FAM135B: variants seen among roughly 807,000 people sequenced by gnomAD.
FAM135B encodes the protein family with sequence similarity 135 member B.
Under a neutral mutation model 127.7 loss-of-function variants are expected in FAM135B, and 43 were observed. The observed-to-expected ratio is 0.34, with a 90% confidence interval of 0.26 to 0.43. The LOEUF is 0.43. Ranked by LOEUF, FAM135B falls within the 20% of genes least tolerant of loss-of-function variation. The probability of loss-of-function intolerance (pLI) is 1.00; values close to 1 mark genes in which losing one functional copy is unlikely to be tolerated. For missense variants in FAM135B, 1,558 were observed against 1,725.6 expected, an observed-to-expected ratio of 0.90 and a Z score of 1.72; for synonymous variants, 670 against 665.1, an observed-to-expected ratio of 1.01 and a Z score of -0.11.
intron 1 of FAM135B, among the ~76,000 whole-genome samples, chr8:138,490,482 C>T (rs924100253): frequency 5.3e-5 from 8 of 152,256 alleles, no homozygotes; most frequent in Middle Eastern, 3.4e-3. Flanking sequence ...ACAGAGTGAG[C>T]CATGCTCAGA....
intron 14 of FAM135B, among the ~76,000 whole-genome samples, chr8:138,146,434 C>T (rs913070712): frequency 3.3e-5 from 5 of 152,158 alleles, no homozygotes; most frequent in Admixed American, 1.3e-4. Flanking sequence ...ATACGAGCCC[C>T]ATCTTCAGTT....
chr8:138,341,734 A>G (rs543128263), intron 2 of FAM135B, among the ~76,000 whole-genome samples: 1 of 152,110 alleles, frequency 6.6e-6, no homozygotes, highest in Non-Finnish European at 1.5e-5. Flanking sequence ...GCCCTCACAC[A>G]TAATTAGATG....
chr8:138,204,950 G>A (rs181819279), intron 7 of FAM135B, among the ~76,000 whole-genome samples: 236 of 152,250 alleles, frequency 1.6e-3, no homozygotes, highest in African/African-American at 5.3e-3. Context: ...GTTAGGTTTA[G>A]CAGACTTCAA....
At chr8:138,346,359 C>G (rs2131089422) in intron 2 of FAM135B, among the ~76,000 whole-genome samples, 1 of 152,250 alleles carries the variant, frequency 6.6e-6, no homozygotes, top group South Asian at 2.1e-4. Context: ...CATGTTTGTT[C>G]ACAATAGCAG....
At chr8:138,175,223 C>A (rs1451791860) in intron 11 of FAM135B, among the ~76,000 whole-genome samples, 1 of 152,192 alleles carries the variant, frequency 6.6e-6, no homozygotes, top group African/African-American at 2.4e-5. Flanking sequence ...CTTTTCCTGG[C>A]TGACAAGGCC....
chr8:138,396,052 A>G (rs1832834233), intron 1 of FAM135B, among the ~76,000 whole-genome samples: 1 of 152,192 alleles, frequency 6.6e-6, no homozygotes, highest in Non-Finnish European at 1.5e-5. Flanking sequence ...TTTCCTGTTT[A>G]TGTGCCTCAA....
intron 19 of FAM135B, among the ~76,000 whole-genome samples, chr8:138,134,719 A>G (rs1816487687): frequency 6.6e-6 from 1 of 152,206 alleles, no homozygotes; most frequent in Non-Finnish European, 1.5e-5. Flanking sequence ...TGTATAAACT[A>G]AACTTCATAT....
At chr8:138,355,152 A>G (rs567318813) in intron 2 of FAM135B, among the ~76,000 whole-genome samples, 1 of 152,248 alleles carries the variant, frequency 6.6e-6, no homozygotes, top group South Asian at 2.1e-4. Flanking sequence ...ATTGTGGAAG[A>G]CAATGTAGCG....
At chr8:138,237,092 G>A (rs1026769633) in intron 7 of FAM135B, among the ~76,000 whole-genome samples, 5 of 151,550 alleles carry the variant, frequency 3.3e-5, no homozygotes, top group African/African-American at 7.3e-5. Flanking sequence ...GAAAAGTGGT[G>A]TGCAGCCTTC....
intron 7 of FAM135B, among the ~76,000 whole-genome samples, chr8:138,197,884 A>C (rs1816789889): frequency 6.6e-6 from 1 of 152,220 alleles, no homozygotes; most frequent in Non-Finnish European, 1.5e-5. Context: ...CCCTCCAGGC[A>C]AGACAACACT....
At chr8:138,474,321 G>A (rs1262741999) in intron 1 of FAM135B, among the ~76,000 whole-genome samples, 1 of 152,108 alleles carries the variant, frequency 6.6e-6, no homozygotes, top group Non-Finnish European at 1.5e-5. Context: ...GGCAAATTAT[G>A]TACTCTCTGA....
At chr8:138,448,280 T>C (rs530002876) in intron 1 of FAM135B, among the ~76,000 whole-genome samples, 7 of 152,034 alleles carry the variant, frequency 4.6e-5, no homozygotes, top group Non-Finnish European at 1.0e-4. Context: ...GATGCACATT[T>C]GCACTGGTGG....
intron 12 of FAM135B, among the ~76,000 whole-genome samples, chr8:138,159,036 G>A (rs2130838611): frequency 6.6e-6 from 1 of 151,646 alleles, no homozygotes; most frequent in African/African-American, 2.4e-5. Flanking sequence ...ACTTTGGGAG[G>A]CCGAGGCGGG....
At chr8:138,466,630 A>G (rs1214068857) in intron 1 of FAM135B, among the ~76,000 whole-genome samples, 1 of 152,138 alleles carries the variant, frequency 6.6e-6, no homozygotes, top group Non-Finnish European at 1.5e-5. Flanking sequence ...AATAAGAATG[A>G]CGTTGTGTCT....
chr8:138,491,035 G>A (rs1298890236), intron 1 of FAM135B, among the ~76,000 whole-genome samples: 1 of 151,796 alleles, frequency 6.6e-6, no homozygotes, highest in Non-Finnish European at 1.5e-5. Context: ...CGGATACTTG[G>A]GAGGCTGAGG....
At chr8:138,464,145 C>T (rs1330202667) in intron 1 of FAM135B, among the ~76,000 whole-genome samples, 5 of 152,144 alleles carry the variant, frequency 3.3e-5, no homozygotes, top group Non-Finnish European at 5.9e-5. Flanking sequence ...ACAGCAGTAA[C>T]GGGCATACCA....
At chr8:138,160,344 C>T (rs1482683481) in intron 12 of FAM135B, among the ~76,000 whole-genome samples, 1 of 151,934 alleles carries the variant, frequency 6.6e-6, no homozygotes, top group African/African-American at 2.4e-5. Context: ...ATATGGGTGG[C>T]CTGGGAACCC....
chr8:138,443,959 C>T (rs1365053512), intron 1 of FAM135B, among the ~76,000 whole-genome samples: 1 of 152,094 alleles, frequency 6.6e-6, no homozygotes, highest in African/African-American at 2.4e-5. Context: ...GGAGGAAGAT[C>T]TACCAAGCAA....
intron 2 of FAM135B, among the ~76,000 whole-genome samples, chr8:138,359,401 T>C (rs1830278288): frequency 6.6e-6 from 1 of 152,144 alleles, no homozygotes; most frequent in South Asian, 2.1e-4. Context: ...ACTGCTTCTG[T>C]GGTGTGTCCA....
Sources: gnomAD v4.1 joint callset for allele counts (sites outside exome capture counted in the v4.1 genomes callset) on GRCh38, gnomAD v4.1.1 for gene constraint, MANE v1.5 for transcripts, NCBI Gene and HGNC (gene_info 2026-07-23, HGNC 2026-07-21) for gene names.